The following EPB41L2 variants were observed in gnomAD, a reference collection of about 807,000 sequenced individuals.
EPB41L2 encodes erythrocyte membrane protein band 4.1 like 2.
EPB41L2 carries 43 observed loss-of-function variants against 113.0 expected under a neutral mutation model. The observed-to-expected ratio is 0.38, with a 90% CI of 0.30 to 0.49. EPB41L2 has a LOEUF of 0.49. Among genes scored for constraint, EPB41L2 ranks in the 20% least tolerant of loss-of-function variants. EPB41L2 has a pLI of 0.95. For synonymous variants in EPB41L2, 442 were observed against 436.7 expected (o/e 1.01, Z -0.15); for missense variants, 1,147 against 1,223.4 (o/e 0.94, Z 0.93).
intron 1 of EPB41L2, among the ~76,000 whole-genome samples, chr6:130,975,087 C>T (rs1192285500): frequency 2.0e-5 from 3 of 152,176 alleles, no homozygotes; most frequent in East Asian, 1.9e-4. Flanking sequence ...ACACAAAGCA[C>T]GTCCAGTGTC....
At chr6:130,970,479 T>C (rs1584109468) in intron 1 of EPB41L2, 2 of 152,264 alleles carry the variant, frequency 1.3e-5, no homozygotes, top group East Asian at 3.9e-4. Context: ...AGCTAGAAAA[T>C]GCACATGGGT....
chr6:130,872,859 C>G (rs1786216503), intron 14 of EPB41L2, among the ~76,000 whole-genome samples: 1 of 152,140 alleles, frequency 6.6e-6, no homozygotes, highest in Admixed American at 6.5e-5. Flanking sequence ...CTTGGCCTTT[C>G]TCTGCACGGA....
In EPB41L2 at chr6:131,043,416, A is replaced by T. The variant is rs540127551; in HGVS notation, c.-15+19739T>A. Among the ~76,000 whole-genome samples, 103 of 152,302 alleles carry T rather than the reference A, an allele frequency of 6.8e-4. 2 individuals carry two copies. The South Asian group carries it at 0.02, about 30-fold the overall frequency. ...CAAAACCAATGAAGTATTAACAACA[A>T]CAAAAAAAACTGAACCAGAAGATGA... On this transcript the variant is annotated intron_variant, in intron 1 of 19. Transcript: ENST00000337057.
At chr6:130,952,296 C>T (rs1815411535) in intron 3 of EPB41L2, among the ~76,000 whole-genome samples, 1 of 140,252 alleles carries the variant, frequency 7.1e-6, no homozygotes. Context: ...GCAATTCCGC[C>T]ACTAGGTATC....
intron 3 of EPB41L2, among the ~76,000 whole-genome samples, chr6:130,937,638 G>A (rs909327980): frequency 7.9e-5 from 12 of 152,188 alleles, no homozygotes; most frequent in Non-Finnish European, 1.8e-4. Flanking sequence ...GGCCAAGATG[G>A]TGAAACCATG....
chr6:130,972,937 C>CAAAAAAAAAAAAAAAAA (rs57293132), intron 1 of EPB41L2, among the ~76,000 whole-genome samples: 13 of 59,514 alleles, frequency 2.2e-4, no homozygotes, highest in African/African-American at 3.6e-4. Context: ...ACTAAAGATA[C>CAAAAAAAAAAAAAAAAA]AAAAAAAAAA....
chr6:131,000,132 T>A (rs1399675659), intron 1 of EPB41L2, among the ~76,000 whole-genome samples: 1 of 146,848 alleles, frequency 6.8e-6, no homozygotes, highest in Non-Finnish European at 1.5e-5. Context: ...AAATACCGTA[T>A]AAAGATGTGG....
intron 1 of EPB41L2, among the ~76,000 whole-genome samples, chr6:130,983,804 C>T (rs1779913530): frequency 6.6e-6 from 1 of 152,178 alleles, no homozygotes; most frequent in Non-Finnish European, 1.5e-5. Flanking sequence ...GCTGAGATTA[C>T]TGGCATGGGA....
intron 12 of EPB41L2, chr6:130,881,015 CT>C (rs1368634900): frequency 6.6e-6 from 1 of 152,176 alleles, no homozygotes; most frequent in African/African-American, 2.4e-5. Context: ...TAAAAATAAT[CT>C]TTGAAATATA....
chr6:130,990,242 A>G (rs370460175), intron 1 of EPB41L2, among the ~76,000 whole-genome samples: 1 of 152,032 alleles, frequency 6.6e-6, no homozygotes, highest in Non-Finnish European at 1.5e-5. Context: ...AATCGCTGGA[A>G]CCTGGGAGGC....
At chr6:130,858,770 A>G (rs1280288435) in intron 18 of EPB41L2, among the ~76,000 whole-genome samples, 2 of 152,272 alleles carry the variant, frequency 1.3e-5, no homozygotes, top group African/African-American at 4.8e-5. Flanking sequence ...TTGAACTAAA[A>G]TGTTTGCTGA....
At chr6:131,004,606 A>C (rs1315240453) in intron 1 of EPB41L2, among the ~76,000 whole-genome samples, 3 of 152,218 alleles carry the variant, frequency 2.0e-5, no homozygotes, top group African/African-American at 7.2e-5. Context: ...CAGAGGAAGA[A>C]GTGCACCCTC....
intron 1 of EPB41L2, among the ~76,000 whole-genome samples, chr6:131,024,472 C>T (rs917436011): frequency 3.3e-5 from 5 of 152,138 alleles, no homozygotes; most frequent in Non-Finnish European, 7.4e-5. Context: ...CGTAGAATGG[C>T]ATGTCATAAG....
intron 18 of EPB41L2, among the ~76,000 whole-genome samples, chr6:130,860,814 T>A (rs1004890691): frequency 6.6e-6 from 1 of 151,142 alleles, no homozygotes; most frequent in African/African-American, 2.4e-5. Flanking sequence ...GATTACAGGC[T>A]TGAGCCACCG....
intron 6 of EPB41L2, among the ~76,000 whole-genome samples, chr6:130,903,593 T>C (rs1349549635): frequency 6.6e-6 from 1 of 152,128 alleles, no homozygotes; most frequent in African/African-American, 2.4e-5. Context: ...CCCCTCTAGT[T>C]TTCTAAAAGT....
intron 1 of EPB41L2, among the ~76,000 whole-genome samples, chr6:131,008,340 A>G (rs1284739211): frequency 6.6e-6 from 1 of 152,248 alleles, no homozygotes; most frequent in Non-Finnish European, 1.5e-5. Context: ...GGCGCGCAGA[A>G]GTTAAAAATT....
intron 1 of EPB41L2, among the ~76,000 whole-genome samples, chr6:130,984,749 C>T (rs1041591254): frequency 6.6e-6 from 1 of 152,196 alleles, no homozygotes; most frequent in Non-Finnish European, 1.5e-5. Flanking sequence ...GTCCCACTGT[C>T]TCCTTAAGAA....
chr6:131,055,502 A>G (rs569542864), intron 1 of EPB41L2, among the ~76,000 whole-genome samples: 1 of 152,288 alleles, frequency 6.6e-6, no homozygotes, highest in East Asian at 1.9e-4. Flanking sequence ...CTTTACACAA[A>G]AAACTACATG....
intron 4 of EPB41L2, among the ~76,000 whole-genome samples, chr6:130,911,493 A>C (rs1799383803): frequency 6.6e-6 from 1 of 152,184 alleles, no homozygotes; most frequent in Non-Finnish European, 1.5e-5. Context: ...CACGTTCTGC[A>C]CATGTATCCC....
Sources: gnomAD v4.1 joint callset for allele counts (sites outside exome capture counted in the v4.1 genomes callset) on GRCh38, gnomAD v4.1.1 for gene constraint, MANE v1.5 for transcripts, NCBI Gene and HGNC (gene_info 2026-07-23, HGNC 2026-07-21) for gene names.